The following ABRAXAS1 variants were observed in gnomAD, a reference collection of about 807,000 sequenced individuals.
ABRAXAS1 encodes BRCA1-A complex subunit Abraxas 1.
ABRAXAS1 carries 26 observed loss-of-function variants against 38.4 expected under a neutral mutation model. That is an observed-to-expected ratio of 0.68 (90% confidence interval 0.50 to 0.94). The LOEUF is 0.94. ABRAXAS1 is among the 40% of genes least tolerant of loss of function. The pLI is 0.00. For synonymous variants in ABRAXAS1, 144 were observed against 165.5 expected, an observed-to-expected ratio of 0.87 and a Z score of 1.00; for missense variants, 438 against 481.9, an observed-to-expected ratio of 0.91 and a Z score of 0.85.
intron 1 of ABRAXAS1, among the ~76,000 whole-genome samples, chr4:83,484,592 T>C (rs6844460): frequency 0.59 from 89,846 of 152,148 alleles, 27,777 homozygotes; most frequent in African/African-American, 0.77. Context: ...GTCCGCCTGG[T>C]TTTGCAAACG....
At position 83,461,433 on chromosome 4, in the gene ABRAXAS1, C is replaced by T; in HGVS notation, c.*1036G>A. The T allele has an allele frequency of 2.1e-6, 1 of 469,046 alleles. No homozygotes were observed. Among genetic ancestry groups the T allele is most frequent in the Non-Finnish European group, 3.9e-6 (1 of 256,124 alleles). The allele number at this position is 469,046 out of a possible 1,614,324, so 29.1% of individuals were successfully genotyped here. A position where few individuals can be genotyped will look rare whatever the true frequency, so the allele number is the denominator to read the frequency against. Reference sequence around the variant, plus strand: ...GTGTGATTGTCATTTATATCTGATCCCCAAATAGCTCATACAATAATCCAT... The same window carrying T: ...GTGTGATTGTCATTTATATCTGATCTCCAAATAGCTCATACAATAATCCAT... On this transcript the variant is annotated 3_prime_UTR_variant, in exon 9 of 9. Transcript: ENST00000321945.
At chr4:83,482,367 A>G in intron 1 of ABRAXAS1, 123 bp from the exon 2 acceptor site, 1 of 539,378 alleles carries the variant, frequency 1.9e-6, no homozygotes, top group Non-Finnish European at 3.2e-6. Context: ...GGCACATATG[A>G]AAGATCTGAG....
At chr4:83,473,983 CA>C (rs1436243329) in intron 3 of ABRAXAS1, among the ~76,000 whole-genome samples, 3 of 148,976 alleles carry the variant, frequency 2.0e-5, no homozygotes, top group Non-Finnish European at 1.5e-5. Context: ...AATACACCAA[CA>C]AAAAAAAATT....
intron 5 of ABRAXAS1, 58 bp from the exon 6 acceptor site, chr4:83,469,209 C>T: frequency 6.8e-7 from 1 of 1,463,236 alleles, no homozygotes; most frequent in East Asian, 2.3e-5. Context: ...TTAGTATCTA[C>T]CTGCTGGAAT....
chr4:83,477,606 T>C, intron 2 of ABRAXAS1: 1 of 498,346 alleles, frequency 2.0e-6, no homozygotes, highest in Admixed American at 2.3e-5. Flanking sequence ...CTATCACTGC[T>C]GAGTTTGGAA....
chr4:83,483,100 A>G (rs908214811), intron 1 of ABRAXAS1, among the ~76,000 whole-genome samples: 1 of 152,198 alleles, frequency 6.6e-6, no homozygotes, highest in Non-Finnish European at 1.5e-5. Context: ...CATGCACAAT[A>G]TGAAAGATTT....
rs1578138752 is a variant in ABRAXAS1, at chr4:83,485,011, T to C, written c.62A>G (p.Gln21Arg). The C allele has an allele frequency of 1.9e-6, 3 of 1,594,366 alleles. No homozygotes were observed. Among genetic ancestry groups the C allele is most frequent in the East Asian group, 2.3e-5 (1 of 42,824 alleles). ...SGFVLGALAFQHLNTDSDTEG... is the reference protein window; with the variant it reads ...SGFVLGALAFRHLNTDSDTEG... ...CGTGTCCGAGTCCGTGTTGAGGTGC[T>C]GGAAAGCGAGTGCGCCGAGCACAAA... Residue 21 changes from glutamine (Q) to arginine (R), a missense_variant, in exon 1 of 9, where the codon CAG becomes CGG. Transcript: ENST00000321945.
intron 2 of ABRAXAS1, chr4:83,477,713 C>T (rs1187215691): frequency 8.0e-6 from 5 of 624,714 alleles, no homozygotes; most frequent in South Asian, 2.8e-5. Context: ...ACGGATGTTT[C>T]ATGCTTTGTT....
chr4:83,474,112 C>T (rs1722679013), intron 3 of ABRAXAS1, among the ~76,000 whole-genome samples: 1 of 151,364 alleles, frequency 6.6e-6, no homozygotes, highest in Admixed American at 6.6e-5. Flanking sequence ...CACTGCACTC[C>T]AGCCTGGGCA....
chr4:83,480,280 G>C (rs1722947001), intron 2 of ABRAXAS1: 1 of 354,822 alleles, frequency 2.8e-6, no homozygotes, highest in South Asian at 2.0e-5. Flanking sequence ...GCCGAGGCAG[G>C]AGAATCGCTT....
chr4:83,479,668 C>G (rs1474819234), intron 2 of ABRAXAS1: 1 of 152,086 alleles, frequency 6.6e-6, no homozygotes, highest in African/African-American at 2.4e-5. Context: ...TATATGCAGC[C>G]AGCAGAAAGA....
At chr4:83,469,302 G>T in intron 5 of ABRAXAS1, 151 bp from the exon 6 acceptor site, 2 of 637,532 alleles carry the variant, frequency 3.1e-6, no homozygotes, top group Non-Finnish European at 5.3e-6. Context: ...AGAATTTACT[G>T]ACTTGAAACA....
Position 83,460,918 on chromosome 4 carries a change from T to G in ABRAXAS1, c.*1551A>C, listed in dbSNP as rs1722076212. 29 of 1,523,290 alleles carry G rather than the reference T, an allele frequency of 1.9e-5. 1 individual carries two copies. In the South Asian group the frequency reaches 3.5e-4, roughly 18 times the overall value. The allele number at this position is 1,523,290 out of a possible 1,614,324, so 94.4% of individuals were successfully genotyped here. ...GAGACTCCATCTCAAAAAAAAAAAT[T>G]GCAAACTTTAAATATTGACATTTTT... On this transcript the variant is annotated 3_prime_UTR_variant, in exon 9 of 9. Coordinates refer to ENST00000321945, the MANE Select transcript of ABRAXAS1 (RefSeq NM_139076.3).
At position 83,462,582 on chromosome 4, in the gene ABRAXAS1, C is replaced by T. The variant is rs13125836; in HGVS notation, c.1117G>A (p.Asp373Asn). ...TTATCTTGGTTACTACTACCAGTAT[C>T]TGCTTTAGATCGTTTGTCTTGTGTA... is the stretch of plus-strand genomic sequence containing the variant. The part of the protein sequence containing the change: ...LDTQDKRSKA[D>N]TGSSNQDKAS... The change falls in exon 9 of 9, where the codon GAT (aspartate) becomes AAT (asparagine). Residue 373 changes from aspartate to asparagine, a missense_variant. Physicochemically the swap from Asp to Asn is conservative, Grantham distance 23 (BLOSUM62 1). Coordinates refer to ENST00000321945, the MANE Select transcript of ABRAXAS1 (RefSeq NM_139076.3). 81,419 of 1,614,020 alleles carry T rather than the reference C, an allele frequency of 0.05. 2,409 individuals carry two copies. Among genetic ancestry groups the T allele is most frequent in the Middle Eastern group, 0.069 (418 of 6,060 alleles).
rs146150779 is a variant in ABRAXAS1 at position 83,477,453 on chromosome 4, G to A, written c.179-774C>T. ...TAAACTACAGGGTTTTAATGCTTCCGGGTTGCCACTGCAGTGGCATTTCTG... is the reference window on the plus strand; with the variant it reads ...TAAACTACAGGGTTTTAATGCTTCCAGGTTGCCACTGCAGTGGCATTTCTG... On this transcript the variant is annotated intron_variant, in intron 2 of 8. Coordinates refer to ENST00000321945, the MANE Select transcript of ABRAXAS1 (RefSeq NM_139076.3). 5.8e-5 allele frequency: 17 copies of A among 292,828 alleles called. No individual in the cohort carries two copies. The East Asian group carries it at 1.4e-3, about 24-fold the overall frequency. 18.1% of individuals were successfully genotyped at this position (292,828 alleles called of 1,614,324 possible).
intron 2 of ABRAXAS1, among the ~76,000 whole-genome samples, chr4:83,477,105 A>G (rs1262304266): frequency 6.6e-6 from 1 of 152,232 alleles, no homozygotes; most frequent in African/African-American, 2.4e-5. Context: ...TAACCAAAGC[A>G]ATGGAATAAT....
At chr4:83,470,047 C>A (rs780061956) in intron 5 of ABRAXAS1, 156 bp downstream of exon 5, 1 of 520,396 alleles carries the variant, frequency 1.9e-6, no homozygotes, top group Non-Finnish European at 3.3e-6. Flanking sequence ...TATTTTCCCA[C>A]CTATAAATTA....
chr4:83,461,402 G>T lies in ABRAXAS1; in HGVS notation c.*1067C>A. On this transcript the variant is annotated 3_prime_UTR_variant, in exon 9 of 9. Transcript: ENST00000321945. The stretch of plus-strand genomic sequence containing the variant: ...CATTTTATCTATGTTGAATAAAAGT[G>T]GTTCTGTGTGATTGTCATTTATATC... 1.9e-6 allele frequency: 1 copy of T among 513,236 alleles called. No individual in the cohort carries two copies. Among genetic ancestry groups the T allele is most frequent in the Non-Finnish European group, 3.5e-6 (1 of 283,596 alleles). 31.8% of individuals were successfully genotyped at this position (513,236 alleles called of 1,614,324 possible).
At chr4:83,465,923 T>C (rs1205325136) in intron 7 of ABRAXAS1, among the ~76,000 whole-genome samples, 2 of 152,214 alleles carry the variant, frequency 1.3e-5, no homozygotes, top group Non-Finnish European at 2.9e-5. Context: ...ATGAGTGTGG[T>C]GGCCATGGAA....
Sources: allele counts gnomAD v4.1 joint callset (sites outside exome capture counted in the v4.1 genomes callset), GRCh38; gene constraint gnomAD v4.1.1; transcripts MANE v1.5; gene names NCBI Gene and HGNC (gene_info 2026-07-23, HGNC 2026-07-21).